The following CERT1 variants were observed in gnomAD, a reference collection of about 807,000 sequenced individuals.
CERT1 encodes the protein ceramide transfer protein.
Under a neutral mutation model 87.9 loss-of-function variants are expected in CERT1, and 31 were observed. That is an observed-to-expected ratio of 0.35 (90% confidence interval 0.27 to 0.48). The LOEUF (loss-of-function observed/expected upper bound fraction) is 0.48. Among genes scored for constraint, CERT1 ranks in the 20% least tolerant of loss-of-function variants. The pLI is 0.99. For synonymous variants in CERT1, 289 were observed against 250.9 expected (o/e 1.15, Z -1.44); for missense variants, 487 against 758.0 (o/e 0.64, Z 4.20).
chr5:75,484,313 A>C (rs1284536957), intron 2 of CERT1, among the ~76,000 whole-genome samples: 1 of 151,874 alleles, frequency 6.6e-6, no homozygotes, highest in Admixed American at 6.6e-5. Flanking sequence ...AAAAGAAAAA[A>C]AAAACAGGAA....
At chr5:75,401,111 AT>A (rs770657586) in intron 9 of CERT1, 2 of 152,186 alleles carry the variant, frequency 1.3e-5, no homozygotes, top group Non-Finnish European at 2.9e-5. Context: ...TCACTACTCT[AT>A]AGAGTATTAC....
chr5:75,440,311 T>C (rs1198899968), intron 3 of CERT1, among the ~76,000 whole-genome samples: 1 of 152,100 alleles, frequency 6.6e-6, no homozygotes, highest in Admixed American at 6.5e-5. Flanking sequence ...CATATTTCAA[T>C]GGTCTAAAAC....
chr5:75,455,482 T>C (rs189684208), intron 3 of CERT1, among the ~76,000 whole-genome samples: 20 of 152,340 alleles, frequency 1.3e-4, no homozygotes, highest in Admixed American at 4.6e-4. Context: ...TGTTTGAGCC[T>C]AGTTAAAATG....
chr5:75,475,112 C>T (rs184940549), intron 2 of CERT1, among the ~76,000 whole-genome samples: 2 of 152,178 alleles, frequency 1.3e-5, no homozygotes, highest in East Asian at 3.9e-4. Context: ...CTTGTCAGTG[C>T]CCCAGACATA....
intron 2 of CERT1, among the ~76,000 whole-genome samples, chr5:75,465,353 A>G (rs1438464672): frequency 6.6e-6 from 1 of 152,216 alleles, no homozygotes; most frequent in East Asian, 1.9e-4. Flanking sequence ...AACACTTGTG[A>G]GGCTGAAGAC....
chr5:75,477,757 T>C (rs1318258194), intron 2 of CERT1, among the ~76,000 whole-genome samples: 1 of 151,080 alleles, frequency 6.6e-6, no homozygotes, highest in East Asian at 1.9e-4. Flanking sequence ...TTTGTATATA[T>C]AAAAAAAATC....
intron 17 of CERT1, chr5:75,372,182 C>T (rs1407917512): frequency 6.6e-6 from 1 of 152,126 alleles, no homozygotes; most frequent in Non-Finnish European, 1.5e-5. Flanking sequence ...CTATCCAATT[C>T]AGTTATGAAA....
At chr5:75,429,193 T>C (rs187189048) in intron 3 of CERT1, among the ~76,000 whole-genome samples, 2 of 147,166 alleles carry the variant, frequency 1.4e-5, no homozygotes, top group East Asian at 3.9e-4. Context: ...ATAATAATAA[T>C]AATAATTATT....
chr5:75,423,236 G>C (rs968990809), intron 5 of CERT1, among the ~76,000 whole-genome samples: 1 of 152,004 alleles, frequency 6.6e-6, no homozygotes, highest in African/African-American at 2.4e-5. Context: ...TACGCTATTG[G>C]TATGGACCAT....
chr5:75,492,913 G>T (rs1028174150), intron 2 of CERT1, among the ~76,000 whole-genome samples: 1 of 152,190 alleles, frequency 6.6e-6, no homozygotes, highest in African/African-American at 2.4e-5. Flanking sequence ...GTTTGTTAAA[G>T]AAAGAATGCT....
chr5:75,495,450 C>T (rs745843804), intron 2 of CERT1, among the ~76,000 whole-genome samples: 5 of 151,832 alleles, frequency 3.3e-5, no homozygotes, highest in Non-Finnish European at 7.4e-5. Context: ...CTCAGCTACT[C>T]GGGGGGCTGA....
At chr5:75,442,343 C>T (rs1764357291) in intron 3 of CERT1, among the ~76,000 whole-genome samples, 1 of 152,200 alleles carries the variant, frequency 6.6e-6, no homozygotes. Context: ...CAGCTCAGCT[C>T]TCAAGCAGCT....
intron 2 of CERT1, among the ~76,000 whole-genome samples, chr5:75,503,434 C>T (rs1261645225): frequency 6.6e-6 from 1 of 151,954 alleles, no homozygotes; most frequent in Non-Finnish European, 1.5e-5. Context: ...ATTACTATTA[C>T]ATTTATTTAT....
At chr5:75,420,276 G>A (rs1446080689) in intron 5 of CERT1, among the ~76,000 whole-genome samples, 1 of 151,730 alleles carries the variant, frequency 6.6e-6, no homozygotes, top group Non-Finnish European at 1.5e-5. Flanking sequence ...CCACACCCAG[G>A]CGAGAGTTCT....
chr5:75,420,382 C>G (rs112710957), intron 5 of CERT1, among the ~76,000 whole-genome samples: 2 of 148,150 alleles, frequency 1.3e-5, no homozygotes, highest in Admixed American at 6.8e-5. Flanking sequence ...CTTGCTCTGT[C>G]GCCCAGGCTG....
chr5:75,399,173 T>A (rs1216491596), intron 11 of CERT1, 137 bp downstream of exon 11: 2 of 652,404 alleles, frequency 3.1e-6, no homozygotes, highest in African/African-American at 3.7e-5. Flanking sequence ...AAGGAAGACC[T>A]TTTTAATGCT....
intron 10 of CERT1, 147 bp downstream of exon 10, chr5:75,400,058 G>T (rs1247798217): frequency 1.7e-6 from 1 of 575,880 alleles, no homozygotes; most frequent in Non-Finnish European, 3.1e-6. Flanking sequence ...CTTGAACCCG[G>T]GAGGTGGAGA....
intron 2 of CERT1, among the ~76,000 whole-genome samples, chr5:75,462,037 T>A (rs916380070): frequency 6.6e-6 from 1 of 152,190 alleles, no homozygotes; most frequent in African/African-American, 2.4e-5. Flanking sequence ...TTAGTCCTTT[T>A]AAAAAATATT....
rs184587860 is a variant in CERT1 at position 75,400,313 on chromosome 5, A to G, written c.1018-16T>C. 2.2e-4 allele frequency: 344 copies of G among 1,564,904 alleles called. 3 individuals carry two copies. The African/African-American group carries it at 4.1e-3, about 18-fold the overall frequency. On this transcript the variant is annotated splice_polypyrimidine_tract_variant and intron_variant, in intron 9 of 16. Coordinates refer to ENST00000643780, the MANE Select transcript of CERT1 (RefSeq NM_001379029.1). The stretch of plus-strand genomic sequence containing the variant: ...CACTCTGTGACTAAAAAAACATATA[A>G]TATTAAGATGGGAAGGTTTTAAAGT...
Sources: gnomAD v4.1 joint callset for allele counts (sites outside exome capture counted in the v4.1 genomes callset) on GRCh38, gnomAD v4.1.1 for gene constraint, MANE v1.5 for transcripts, NCBI Gene and HGNC (gene_info 2026-07-23, HGNC 2026-07-21) for gene names.